The following LMO3 variants were observed in gnomAD, a reference collection of about 807,000 sequenced individuals.
LMO3 encodes the protein LIM domain only protein 3.
Under a neutral mutation model 15.8 loss-of-function variants are expected in LMO3, and 2 were observed. The ratio of observed to expected loss-of-function variants is 0.13; its 90% CI spans 0.05 to 0.40. The LOEUF is 0.40. Among genes scored for constraint, LMO3 ranks in the 10% least tolerant of loss-of-function variants. LMO3 has a pLI of 0.99. For missense variants in LMO3, 86 were observed against 182.2 expected (o/e 0.47, Z 3.04); for synonymous variants, 62 against 63.8 (o/e 0.97, Z 0.13).
In LMO3 at chr12:16,551,010, A is replaced by C. The variant is rs976100070; in HGVS notation, c.*212T>G. ...AGCAAAAAAATCCAGCCATATGTAC[A>C]TTACTTTTTTCTTTAATAATAAACA... On this transcript the variant is annotated 3_prime_UTR_variant, in exon 4 of 4. Coordinates refer to ENST00000537304, the MANE Select transcript of LMO3 (RefSeq NM_018640.5). 1 of 482,010 alleles carries C rather than the reference A, an allele frequency of 2.1e-6. No homozygotes were observed. Among genetic ancestry groups the C allele is most frequent in the African/African-American group, 1.9e-5 (1 of 52,344 alleles). 29.9% of individuals were successfully genotyped at this position (482,010 alleles called of 1,614,324 possible). A position where few individuals can be genotyped will look rare whatever the true frequency, so the allele number is the denominator to read the frequency against.
chr12:16,574,601 C>T (rs1942933907), intron 2 of LMO3, among the ~76,000 whole-genome samples: 1 of 152,062 alleles, frequency 6.6e-6, no homozygotes, highest in African/African-American at 2.4e-5. Context: ...CTATTTGTAC[C>T]ACTTTTTAAA....
At chr12:16,552,736 A>C (rs1412799858) in intron 3 of LMO3, among the ~76,000 whole-genome samples, 2 of 152,052 alleles carry the variant, frequency 1.3e-5, no homozygotes, top group Non-Finnish European at 2.9e-5. Context: ...TTGAAATCCT[A>C]GGGTTGTTTG....
At chr12:16,554,725 G>A (rs1284607625) in intron 3 of LMO3, among the ~76,000 whole-genome samples, 1 of 152,108 alleles carries the variant, frequency 6.6e-6, no homozygotes, top group Non-Finnish European at 1.5e-5. Context: ...CTCCGGAGAG[G>A]GAGACCAGAT....
chr12:16,585,756 G>C lies in LMO3; in HGVS notation c.206+14899C>G, dbSNP rs1047490963. On this transcript the variant is annotated intron_variant, in intron 2 of 3. Transcript: ENST00000537304. This position sits in a 1 kb window ranked among gnomAD's most constrained non-coding sequence, Gnocchi z 4.7. ...AAATATGGGTGAGAAATTACAAAAG[G>C]CTGGAGAATCAATTAACATATATAC... 2.0e-4 allele frequency among the ~76,000 whole-genome samples: 30 copies of C among 152,164 alleles called. No homozygotes were observed. Among genetic ancestry groups the C allele is most frequent in the South Asian group, 2.1e-4 (1 of 4,830 alleles).
chr12:16,566,076 A>T (rs1245643399), intron 2 of LMO3, among the ~76,000 whole-genome samples: 1 of 137,164 alleles, frequency 7.3e-6, no homozygotes, highest in Non-Finnish European at 1.6e-5. Flanking sequence ...AAAGAATGAA[A>T]TCCTGTCATT....
chr12:16,565,986 A>G (rs558987655), intron 2 of LMO3, among the ~76,000 whole-genome samples: 11 of 3,256 alleles, frequency 3.4e-3, no homozygotes, highest in Non-Finnish European at 5.6e-3. Context: ...AATGTGCCAT[A>G]TATATATATA....
intron 2 of LMO3, among the ~76,000 whole-genome samples, chr12:16,565,982 CCATATA>C (rs1565488131): frequency 4.5e-5 from 2 of 44,320 alleles, no homozygotes; most frequent in Non-Finnish European, 7.9e-5. Flanking sequence ...AGAAAATGTG[CCATATA>C]TATATATATA....
chr12:16,582,384 T>G lies in LMO3; in HGVS notation c.206+18271A>C, dbSNP rs1463053683. Among the ~76,000 whole-genome samples the G allele has an allele frequency of 1.3e-5, 2 of 152,264 alleles. No homozygotes were observed. The highest frequency in any genetic ancestry group is 3.8e-4 in the East Asian group (2 of 5,206). ...GTGACAGACTATTTGCTAATATCTTTCAAGTTTTTGTATCTGTATGCAAAA... is the reference window on the plus strand; with the variant it reads ...GTGACAGACTATTTGCTAATATCTTGCAAGTTTTTGTATCTGTATGCAAAA... On this transcript the variant is annotated intron_variant, in intron 2 of 3. Coordinates refer to ENST00000537304, the MANE Select transcript of LMO3 (RefSeq NM_018640.5). This position sits in a 1 kb window ranked among gnomAD's most constrained non-coding sequence, Gnocchi z 4.1.
At chr12:16,605,835 T>A in intron 1 of LMO3, 3 of 1,535,186 alleles carry the variant, frequency 2.0e-6, no homozygotes, top group Non-Finnish European at 2.6e-6. Flanking sequence ...ATCTATTTCA[T>A]GTCTCATCAT....
Position 16,597,815 on chromosome 12 carries a change from T to C in LMO3, c.206+2840A>G, listed in dbSNP as rs1167247637. Reference sequence around the variant, plus strand: ...GTGATTAAACATTGGTTATATAAAATACAAAATGGAAGTATGCTGAATTTG... The same window carrying C: ...GTGATTAAACATTGGTTATATAAAACACAAAATGGAAGTATGCTGAATTTG... On this transcript the variant is annotated intron_variant, in intron 2 of 3. Transcript: ENST00000537304. This position sits in a 1 kb window ranked among gnomAD's most constrained non-coding sequence, Gnocchi z 5.0. 3 of 151,956 alleles carry C rather than the reference T, an allele frequency of 2.0e-5. No homozygotes were observed. The highest frequency in any genetic ancestry group is 2.9e-5 in the Non-Finnish European group (2 of 67,876). The allele number at this position is 151,956 out of a possible 1,614,324, so 9.4% of individuals were successfully genotyped here.
chr12:16,574,291 GC>G (rs1349989506), intron 2 of LMO3, among the ~76,000 whole-genome samples: 1 of 152,128 alleles, frequency 6.6e-6, no homozygotes, highest in East Asian at 1.9e-4. Flanking sequence ...AAATGAAGTT[GC>G]AGATGCAGGA....
chr12:16,563,619 C>A (rs1039641721), intron 2 of LMO3, among the ~76,000 whole-genome samples: 3 of 152,066 alleles, frequency 2.0e-5, no homozygotes, highest in Non-Finnish European at 4.4e-5. Context: ...CTCCCACACT[C>A]GTTTATAAAG....
intron 3 of LMO3, among the ~76,000 whole-genome samples, chr12:16,552,595 A>T (rs1354966730): frequency 6.6e-6 from 1 of 152,088 alleles, no homozygotes; most frequent in African/African-American, 2.4e-5. Context: ...ATAGTGTAAT[A>T]AAAAAAGTAG....
At chr12:16,609,244 C>T (rs922545559), upstream of LMO3, 1 of 152,142 alleles carries the variant, frequency 6.6e-6, no homozygotes, top group Non-Finnish European at 1.5e-5. Flanking sequence ...TCATCTTCTG[C>T]TGACACTTTG....
chr12:16,604,630 C>G lies in LMO3; in HGVS notation c.-9+1436G>C, dbSNP rs565408432. ...ATCCCTTGCGGAGTTTATGCTCCAG[C>G]CTTTTGTGGTTGTGTCTTTGCAGCC... On this transcript the variant is annotated intron_variant, in intron 1 of 3. Coordinates refer to ENST00000537304, the MANE Select transcript of LMO3 (RefSeq NM_018640.5). The surrounding 1 kb of genome is among the most constrained non-coding windows in gnomAD (Gnocchi z 5.3). The G allele has an allele frequency of 7.1e-6, 4 of 564,622 alleles. No individual in the cohort carries two copies. In the East Asian group the frequency reaches 8.7e-5, roughly 12 times the overall value. The allele number at this position is 564,622 out of a possible 1,614,324, so 35.0% of individuals were successfully genotyped here.
intron 3 of LMO3, among the ~76,000 whole-genome samples, chr12:16,554,963 G>A (rs1019210498): frequency 1.3e-5 from 2 of 152,124 alleles, no homozygotes; most frequent in Non-Finnish European, 2.9e-5. Flanking sequence ...CGCCCGGCCA[G>A]GTTTAAATCT....
At chr12:16,605,436 G>GGCCCCCCCCCCC (rs1943957949) in intron 1 of LMO3, 2 of 372,616 alleles carry the variant, frequency 5.4e-6, no homozygotes, top group South Asian at 1.2e-4. Flanking sequence ...CTACCCGCCT[G>GGCCCCCCCCCCC]CCCCCCCCCC....
chr12:16,604,829 C>T lies in LMO3; in HGVS notation c.-9+1237G>A. On this transcript the variant is annotated intron_variant, in intron 1 of 3. Coordinates refer to ENST00000537304, the MANE Select transcript of LMO3 (RefSeq NM_018640.5). This position sits in a 1 kb window ranked among gnomAD's most constrained non-coding sequence, Gnocchi z 5.3. ...TTTGAGCGGCCAGGAGTGCAGAGCG[C>T]CAGCAAAGTGCATCTATGATAGACT... is the stretch of plus-strand genomic sequence containing the variant. 3 of 1,597,482 alleles carry T rather than the reference C, an allele frequency of 1.9e-6. No individual in the cohort carries two copies. The highest frequency in any genetic ancestry group is 2.5e-6 in the Non-Finnish European group (3 of 1,178,946).
chr12:16,551,579 C>T (rs534720096), intron 3 of LMO3, among the ~76,000 whole-genome samples: 1 of 148,324 alleles, frequency 6.7e-6, no homozygotes, highest in African/African-American at 2.5e-5. Context: ...ACTTTGGGCA[C>T]CAAAGATGAC....
Sources: allele counts gnomAD v4.1 joint callset (sites outside exome capture counted in the v4.1 genomes callset), GRCh38; gene constraint gnomAD v4.1.1; non-coding constraint Gnocchi (gnomAD v3.1); transcripts MANE v1.5; gene names NCBI Gene and HGNC (gene_info 2026-07-23, HGNC 2026-07-21).